The following NPAS3 variants were observed in gnomAD, a reference collection of about 807,000 sequenced individuals.
NPAS3 encodes the protein neuronal PAS domain protein 3.
A neutral mutation model predicts 73.1 loss-of-function variants in NPAS3; 14 were observed. The observed-to-expected ratio is 0.19, with a 90% CI of 0.13 to 0.30. NPAS3 has a LOEUF of 0.30. Ranked by LOEUF, NPAS3 falls within the 10% of genes least tolerant of loss-of-function variation. The pLI, the probability that NPAS3 is intolerant of heterozygous loss-of-function variation, is 1.00. For missense variants in NPAS3, 1,096 were observed against 1,250.0 expected, an observed-to-expected ratio of 0.88 and a Z score of 1.86; for synonymous variants, 620 against 541.5, an observed-to-expected ratio of 1.14 and a Z score of -2.01.
intron 5 of NPAS3, among the ~76,000 whole-genome samples, chr14:33,635,144 G>T (rs778830922): frequency 6.6e-6 from 1 of 152,212 alleles, no homozygotes; most frequent in Non-Finnish European, 1.5e-5. Context: ...GGCGTACATT[G>T]TGCCATTTAA....
intron 7 of NPAS3, among the ~76,000 whole-genome samples, chr14:33,753,400 G>C (rs1043566470): frequency 6.6e-6 from 1 of 150,494 alleles, no homozygotes; most frequent in Non-Finnish European, 1.5e-5. Flanking sequence ...TAGAAGGATT[G>C]CTCAAAAGAA....
At chr14:33,499,752 G>A (rs750492386) in intron 4 of NPAS3, among the ~76,000 whole-genome samples, 5 of 151,950 alleles carry the variant, frequency 3.3e-5, no homozygotes, top group Non-Finnish European at 5.9e-5. Context: ...AATATTTGCA[G>A]GCTGAACAGC....
chr14:33,729,443 G>A (rs562110049), intron 6 of NPAS3, among the ~76,000 whole-genome samples: 9 of 152,200 alleles, frequency 5.9e-5, no homozygotes, highest in South Asian at 2.1e-4. Context: ...AAGATATCTC[G>A]CATAGTTCCT....
intron 4 of NPAS3, among the ~76,000 whole-genome samples, chr14:33,534,073 A>G (rs2054154855): frequency 6.6e-6 from 1 of 152,024 alleles, no homozygotes; most frequent in Non-Finnish European, 1.5e-5. Flanking sequence ...TGTTTATTTC[A>G]TTTTATTCAG....
intron 7 of NPAS3, among the ~76,000 whole-genome samples, chr14:33,761,543 C>T (rs1038337221): frequency 6.6e-6 from 1 of 151,612 alleles, no homozygotes; most frequent in Non-Finnish European, 1.5e-5. Flanking sequence ...CATTTGAACT[C>T]AAGGGGGTTT....
At chr14:33,496,283 G>A (rs111774647) in intron 4 of NPAS3, among the ~76,000 whole-genome samples, 355 of 152,122 alleles carry the variant, frequency 2.3e-3, no homozygotes, top group African/African-American at 7.3e-3. Flanking sequence ...AGAGGAGCTG[G>A]TACCATTCCT....
At chr14:33,310,381 A>C (rs925606445) in intron 3 of NPAS3, among the ~76,000 whole-genome samples, 5 of 152,142 alleles carry the variant, frequency 3.3e-5, no homozygotes, top group African/African-American at 1.2e-4. Context: ...ATTTCCAGAA[A>C]ATTACTGGGG....
At chr14:33,133,733 A>G (rs1286356483) in intron 2 of NPAS3, among the ~76,000 whole-genome samples, 1 of 152,204 alleles carries the variant, frequency 6.6e-6, no homozygotes, top group East Asian at 1.9e-4. Context: ...AGCTTTTGTA[A>G]GAATGTAGTT....
chr14:33,454,714 A>T (rs2049948908), intron 4 of NPAS3, among the ~76,000 whole-genome samples: 1 of 152,156 alleles, frequency 6.6e-6, no homozygotes, highest in Non-Finnish European at 1.5e-5. Context: ...TCGGGAAATA[A>T]ACCGGGGAGT....
chr14:33,787,011 G>A (rs17101883), intron 9 of NPAS3, among the ~76,000 whole-genome samples: 2,246 of 151,770 alleles, frequency 0.015, 58 homozygotes, highest in African/African-American at 0.05. Context: ...ATTCCATGTT[G>A]AGGAGTTCAC....
exon 3 of NPAS3, chr14:33,215,352 G>C (rs2047181175): frequency 6.2e-7 from 1 of 1,605,638 alleles, no homozygotes; most frequent in Non-Finnish European, 8.5e-7. Flanking sequence ...CTGAAAATGA[G>C]GGACTTTGCT....
At chr14:33,127,113 A>G (rs1215787985) in intron 2 of NPAS3, among the ~76,000 whole-genome samples, 1 of 151,720 alleles carries the variant, frequency 6.6e-6, no homozygotes, top group Non-Finnish European at 1.5e-5. Flanking sequence ...CTCTAAATAA[A>G]TGTTTTGGGG....
rs1210267847 is a variant in NPAS3 at position 33,498,931 on chromosome 14, AGAGAGTGTGTGTGT to A, written c.469-61188_469-61175del. Among the ~76,000 whole-genome samples the A allele has an allele frequency of 4.9e-3, 579 of 119,318 alleles. 2 individuals carry two copies. The highest frequency in any genetic ancestry group is 0.012 in the African/African-American group (335 of 27,924). The allele number at this position is 119,318 out of a possible 152,430, so 78.3% of individuals were successfully genotyped here. A position where few individuals can be genotyped will look rare whatever the true frequency, so the allele number is the denominator to read the frequency against. On this transcript the variant is annotated intron_variant, in intron 4 of 11. Transcript: ENST00000356141. Reference sequence around the variant, plus strand: ...AAATGAATGAGAGAGAGAGACAGAGAGAGAGTGTGTGTGTGTGTGTGTGTGTGTGTGTGTGTGTG... The same window carrying A: ...AAATGAATGAGAGAGAGAGACAGAGAGTGTGTGTGTGTGTGTGTGTGTGTG...
At chr14:33,229,725 A>T (rs2047774504) in intron 3 of NPAS3, among the ~76,000 whole-genome samples, 1 of 152,168 alleles carries the variant, frequency 6.6e-6, no homozygotes, top group South Asian at 2.1e-4. Flanking sequence ...GAAAAGTGGC[A>T]GTCTGCCAAA....
chr14:33,100,116 A>T (rs1227605946), intron 2 of NPAS3, among the ~76,000 whole-genome samples: 1 of 152,192 alleles, frequency 6.6e-6, no homozygotes, highest in Admixed American at 6.5e-5. Context: ...GAAAGGTCTG[A>T]TGTGGTCAGG....
chr14:33,251,675 C>A (rs1328680704), intron 3 of NPAS3, among the ~76,000 whole-genome samples: 1 of 151,974 alleles, frequency 6.6e-6, no homozygotes, highest in Admixed American at 6.6e-5. Flanking sequence ...TATCTCAGAA[C>A]AAATATGAAA....
intron 6 of NPAS3, among the ~76,000 whole-genome samples, chr14:33,709,238 A>C (rs2060748787): frequency 6.6e-6 from 1 of 152,208 alleles, no homozygotes; most frequent in South Asian, 2.1e-4. Flanking sequence ...CGCGTAAGTC[A>C]GTCATTGTCC....
At chr14:33,407,138 T>C (rs745685475) in intron 4 of NPAS3, among the ~76,000 whole-genome samples, 5 of 152,152 alleles carry the variant, frequency 3.3e-5, no homozygotes, top group Non-Finnish European at 7.4e-5. Context: ...CTTCAGTAGG[T>C]AATGCATTTA....
At chr14:33,770,862 C>T (rs1315644320) in intron 7 of NPAS3, among the ~76,000 whole-genome samples, 2 of 152,080 alleles carry the variant, frequency 1.3e-5, no homozygotes, top group African/African-American at 4.8e-5. Context: ...ATCACACCAC[C>T]GCACTCCAGC....
Sources: gnomAD v4.1 joint callset for allele counts (sites outside exome capture counted in the v4.1 genomes callset) on GRCh38, gnomAD v4.1.1 for gene constraint, MANE v1.5 for transcripts, NCBI Gene and HGNC (gene_info 2026-07-23, HGNC 2026-07-21) for gene names.